The following TNS1 variants were observed in gnomAD, a reference collection of about 807,000 sequenced individuals.
TNS1 encodes the protein tensin 1.
A neutral mutation model predicts 168.6 loss-of-function variants in TNS1; 62 were observed. The observed-to-expected ratio is 0.37, with a 90% CI of 0.30 to 0.45. TNS1 has a LOEUF of 0.45. Among genes scored for constraint, TNS1 ranks in the 20% least tolerant of loss-of-function variants. The pLI is 1.00. For missense variants in TNS1, 2,240 were observed against 2,339.4 expected (o/e 0.96, Z 0.88); for synonymous variants, 934 against 933.2 (o/e 1.00, Z -0.02).
rs759748278 is a variant in TNS1 at position 217,817,800 on chromosome 2, A to T, written c.4532T>A (p.Ile1511Asn). The T allele has an allele frequency of 3.1e-6, 5 of 1,614,226 alleles. No homozygotes were observed. The highest frequency in any genetic ancestry group is 4.2e-6 in the Non-Finnish European group (5 of 1,180,036). Residue 1511 changes from isoleucine to asparagine, a missense_variant, in exon 24 of 33, where the codon ATC becomes AAC. Physicochemically the swap from Ile to Asn is moderately radical, Grantham distance 149. This residue lies in a region of TNS1 where 2,131 missense variants were observed against 2,171.2 expected (regional missense o/e 0.98). Transcript: ENST00000682258. ...GACAGGCGAAGACACCTTCCCATTG[A>T]TGGTGGCATAGTTGGGGAGGCTGCC... ...RAGSLPNYAT[I>N]NGKVSSPVAS...
chr2:217,884,532 A>G (rs1339579263), intron 16 of TNS1, among the ~76,000 whole-genome samples: 3 of 151,932 alleles, frequency 2.0e-5, no homozygotes, highest in Admixed American at 6.6e-5. Context: ...CTGCTGCCAC[A>G]CCCCTCCACT....
intron 4 of TNS1, among the ~76,000 whole-genome samples, chr2:217,914,025 G>A (rs2125827811): frequency 6.6e-6 from 1 of 151,914 alleles, no homozygotes; most frequent in East Asian, 1.9e-4. Flanking sequence ...TGGTACCAAG[G>A]TCCTACGCCC....
At chr2:217,860,125 T>C (rs891804955) in intron 18 of TNS1, among the ~76,000 whole-genome samples, 7 of 152,120 alleles carry the variant, frequency 4.6e-5, no homozygotes, top group Non-Finnish European at 1.0e-4. Context: ...CCTTCCCAGC[T>C]AAGTTTGGTA....
intron 3 of TNS1, among the ~76,000 whole-genome samples, chr2:217,952,989 G>T (rs568284712): frequency 6.6e-6 from 1 of 152,218 alleles, no homozygotes; most frequent in Non-Finnish European, 1.5e-5. Flanking sequence ...GCTCAATGAC[G>T]TCAACCCTAG....
In TNS1 at chr2:217,888,920, C is replaced by T. The variant is rs1951482135; in HGVS notation, c.866+2042G>A. Among the ~76,000 whole-genome samples the T allele has an allele frequency of 2.6e-5, 4 of 152,186 alleles. No homozygotes were observed. The South Asian group carries it at 8.3e-4, about 32-fold the overall frequency. On this transcript the variant is annotated intron_variant, in intron 12 of 32. Transcript: ENST00000682258. ...GTGACACTGATCCCTGGTCTTCAGG[C>T]CTTCACTACTCAGACTCAGAGATGT...
chr2:217,960,664 C>G (rs912268176), intron 3 of TNS1, among the ~76,000 whole-genome samples: 20 of 152,158 alleles, frequency 1.3e-4, no homozygotes, highest in African/African-American at 4.8e-4. Context: ...CAGCCTTTCC[C>G]CGCCCAACAC....
intron 1 of TNS1, among the ~76,000 whole-genome samples, chr2:218,021,084 A>C (rs1958802994): frequency 6.6e-6 from 1 of 152,216 alleles, no homozygotes; most frequent in Admixed American, 6.5e-5. Context: ...GCACTGAATA[A>C]GCCTGTGCCA....
At chr2:217,866,764 G>A (rs1457803382) in intron 18 of TNS1, among the ~76,000 whole-genome samples, 1 of 152,168 alleles carries the variant, frequency 6.6e-6, no homozygotes. Context: ...CAGCCACTGT[G>A]GCTCCAGATC....
At chr2:217,850,142 G>T in intron 18 of TNS1, 1 of 985,342 alleles carries the variant, frequency 1.0e-6, no homozygotes, top group East Asian at 1.1e-4. Context: ...AAGGTATGCC[G>T]GGCAGGATCA....
chr2:217,825,019 C>A (rs1943411122), intron 22 of TNS1, among the ~76,000 whole-genome samples: 1 of 152,176 alleles, frequency 6.6e-6, no homozygotes, highest in African/African-American at 2.4e-5. Flanking sequence ...TCCAGAGACA[C>A]ATAGTAAGAC....
At chr2:217,939,201 C>T (rs1183854323) in intron 3 of TNS1, among the ~76,000 whole-genome samples, 1 of 152,206 alleles carries the variant, frequency 6.6e-6, no homozygotes, top group African/African-American at 2.4e-5. Flanking sequence ...CTGAGGCTCA[C>T]AGAGGTTCAG....
chr2:217,813,267 C>A lies in TNS1; in HGVS notation c.4902G>T (p.Glu1634Asp). 1 of 1,601,094 alleles carries A rather than the reference C, an allele frequency of 6.2e-7. No homozygotes were observed. The highest frequency in any genetic ancestry group is 8.5e-7 in the Non-Finnish European group (1 of 1,172,870). The change falls in exon 27 of 33, where the codon GAG becomes GAT. Residue 1634 changes from glutamate (E) to aspartate (D), a missense_variant. This residue lies in a region of TNS1 where 2,131 missense variants were observed against 2,171.2 expected (regional missense o/e 0.98). Transcript: ENST00000682258. The surrounding 1 kb of genome is among the most constrained non-coding windows in gnomAD (Gnocchi z 4.0). ...THELVRHFLI[E>D]TGPRGVKLKG... is the part of the protein sequence containing the mutation. ...TGAGCTTGACTCCTCTGGGGCCAGT[C>A]TCTATCAGAAAATGCCTGACCAGCT...
intron 18 of TNS1, among the ~76,000 whole-genome samples, chr2:217,862,643 A>T (rs1056383026): frequency 2.3e-5 from 1 of 44,180 alleles, no homozygotes; most frequent in African/African-American, 8.8e-5. Flanking sequence ...CAACCCACCC[A>T]CCCGATTTCA....
intron 22 of TNS1, among the ~76,000 whole-genome samples, chr2:217,828,402 A>C (rs1943918994): frequency 6.6e-6 from 1 of 152,214 alleles, no homozygotes; most frequent in South Asian, 2.1e-4. Flanking sequence ...GTGTGGTCAA[A>C]GGAAAATGGG....
chr2:217,835,138 A>G lies in TNS1; in HGVS notation c.3233T>C (p.Phe1078Ser). The change falls in exon 21 of 33, where the codon TTC becomes TCC. Residue 1078 changes from phenylalanine to serine, a missense_variant. Physicochemically the swap from Phe to Ser is radical, Grantham distance 155 (BLOSUM62 -2). This residue lies in a region of TNS1 where 2,131 missense variants were observed against 2,171.2 expected (regional missense o/e 0.98). Transcript: ENST00000682258. The part of the protein sequence containing the change: ...EPHLHSYKEA[F>S]EEMEGTSPSS... Reference sequence around the variant, plus strand: ...CGGGGAGGTTCCCTCCATCTCCTCGAAGGCCTCCTTGTAGCTGTGCAAATG... The same window carrying G: ...CGGGGAGGTTCCCTCCATCTCCTCGGAGGCCTCCTTGTAGCTGTGCAAATG... 1.3e-6 allele frequency: 2 copies of G among 1,591,990 alleles called. No homozygotes were observed. Among genetic ancestry groups the G allele is most frequent in the Non-Finnish European group, 1.7e-6 (2 of 1,172,248 alleles).
chr2:217,844,616 A>C (rs1946400855), intron 19 of TNS1, among the ~76,000 whole-genome samples: 1 of 152,124 alleles, frequency 6.6e-6, no homozygotes, highest in African/African-American at 2.4e-5. Flanking sequence ...CTCAGTTTAA[A>C]ACCACACTTA....
Position 217,906,384 on chromosome 2 carries a change from C to A in TNS1, c.272G>T (p.Gly91Val). ...GTTTCCACCCCGGGAGGCTCCTTCT[C>A]CCTGCAGACAGAGAAAAGGCAGTCA... ...ENAPKNVVDK[G>V]EGASRGGNTR... The change falls in exon 6 of 33, where the codon GGA (glycine) becomes GTA (valine). Residue 91 changes from glycine (G) to valine (V), a missense_variant and splice_region_variant. Coordinates refer to ENST00000682258, the MANE Select transcript of TNS1 (RefSeq NM_001387777.1). 1 of 698,670 alleles carries A rather than the reference C, an allele frequency of 1.4e-6. No homozygotes were observed. The highest frequency in any genetic ancestry group is 2.6e-6 in the Non-Finnish European group (1 of 382,258). The allele number at this position is 698,670 out of a possible 1,614,324, so 43.3% of individuals were successfully genotyped here.
intron 3 of TNS1, among the ~76,000 whole-genome samples, chr2:217,971,727 G>A (rs1957778001): frequency 6.6e-6 from 1 of 152,188 alleles, no homozygotes; most frequent in Admixed American, 6.5e-5. Context: ...CCCAGGTCAG[G>A]TCGTAGCCAA....
intron 16 of TNS1, among the ~76,000 whole-genome samples, chr2:217,883,770 C>T (rs1950903989): frequency 6.6e-6 from 1 of 152,158 alleles, no homozygotes; most frequent in Non-Finnish European, 1.5e-5. Context: ...GGCTCCAGTG[C>T]AAGGAGAGCT....
Sources: allele counts gnomAD v4.1 joint callset (sites outside exome capture counted in the v4.1 genomes callset), GRCh38; gene constraint gnomAD v4.1.1; regional missense constraint gnomAD v4.1.1; non-coding constraint Gnocchi (gnomAD v3.1); transcripts MANE v1.5; gene names NCBI Gene and HGNC (gene_info 2026-07-23, HGNC 2026-07-21).